Variants in SLC9A2 observed in about 807,000 individuals in gnomAD.
SLC9A2 encodes the protein solute carrier family 9 member A2.
In SLC9A2, 42 loss-of-function variants were observed where a neutral mutation model predicts 71.7. That is an observed-to-expected ratio of 0.59 (90% CI 0.46 to 0.76). The LOEUF (loss-of-function observed/expected upper bound fraction) is 0.76, where lower values mean the gene tolerates loss of function less well. Among genes scored for constraint, SLC9A2 ranks in the 30% least tolerant of loss-of-function variants. The pLI is 0.00. For missense variants in SLC9A2, 829 were observed against 1,017.4 expected, an observed-to-expected ratio of 0.81 and a Z score of 2.52; for synonymous variants, 396 against 392.5, an observed-to-expected ratio of 1.01 and a Z score of -0.10.
intron 4 of SLC9A2, 58 bp from the exon 5 acceptor site, chr2:102,684,076 T>C (rs1677504507): frequency 2.4e-6 from 3 of 1,225,546 alleles, no homozygotes; most frequent in Admixed American, 1.7e-5. Flanking sequence ...TGAGTCTATG[T>C]ATTTTCATAT....
chr2:102,655,171 C>T (rs1676913037), intron 1 of SLC9A2, among the ~76,000 whole-genome samples: 1 of 151,136 alleles, frequency 6.6e-6, no homozygotes, highest in South Asian at 2.1e-4. Flanking sequence ...TTGTACAGTA[C>T]AGCAACACAA....
chr2:102,683,575 T>G, intron 4 of SLC9A2, 97 bp downstream of exon 4: 5 of 884,698 alleles, frequency 5.7e-6, no homozygotes, highest in Non-Finnish European at 7.0e-6. Context: ...GTGGATTCTT[T>G]TATGTCTGCT....
In SLC9A2 at chr2:102,684,139, T is replaced by C. The variant is rs1304074947; in HGVS notation, c.1228T>C (p.Phe410Leu). 1 of 1,613,758 alleles carries C rather than the reference T, an allele frequency of 6.2e-7. No individual in the cohort carries two copies. Among genetic ancestry groups the C allele is most frequent in the African/African-American group, 1.3e-5 (1 of 74,888 alleles). ...TGGGTTTTCTTTCTTTGCAGGTGTT[T>C]TTGTCCTGACTCAGGTCATTAATAG... ...FCLMWRALGV[F>L]VLTQVINRFR... Residue 410 changes from phenylalanine (F) to leucine (L), a missense_variant, in exon 5 of 12, where the codon TTT becomes CTT. By Grantham distance (22) the Phe-to-Leu change is conservative. Coordinates refer to ENST00000233969, the MANE Select transcript of SLC9A2 (RefSeq NM_003048.6).
intron 1 of SLC9A2, among the ~76,000 whole-genome samples, chr2:102,628,373 A>C (rs1676290369): frequency 6.6e-6 from 1 of 152,120 alleles, no homozygotes; most frequent in African/African-American, 2.4e-5. Flanking sequence ...GATGGATCTC[A>C]TCTCAGGATG....
At position 102,667,902 on chromosome 2, in the gene SLC9A2, T is replaced by A. The variant is rs1677172526; in HGVS notation, c.1004+2552T>A. On this transcript the variant is annotated intron_variant, in intron 3 of 11. Transcript: ENST00000233969. The stretch of plus-strand genomic sequence containing the variant: ...CTGGCCAGCATGGTGAAACCCCGTC[T>A]CTACTAAAAAAAAAATACAAAAATT... Among the ~76,000 whole-genome samples the A allele has an allele frequency of 2.0e-5, 3 of 151,744 alleles. No individual in the cohort carries two copies. The South Asian group carries it at 6.3e-4, about 32-fold the overall frequency.
rs754581184 is a variant in SLC9A2, at chr2:102,701,246, G to A, written c.1748+15G>A. 2 of 1,562,936 alleles carry A rather than the reference G, an allele frequency of 1.3e-6. No homozygotes were observed. Among genetic ancestry groups the A allele is most frequent in the Non-Finnish European group, 8.6e-7 (1 of 1,156,356 alleles). On this transcript the variant is annotated intron_variant, in intron 8 of 11. Transcript: ENST00000233969. ...GCATCTCTAAAGTAAGTATGGTCTT[G>A]CAAATAAAAGTTAGTATTGTTAAAT...
In SLC9A2 at chr2:102,665,146, A is replaced by T; in HGVS notation, c.800A>T (p.Glu267Val). The change falls in exon 3 of 12, where the codon GAG becomes GTG. Residue 267 changes from glutamate to valine, a missense_variant. This residue lies in a region of SLC9A2 where 500 missense variants were observed against 726.3 expected (regional missense o/e 0.69). Transcript: ENST00000233969. ...FKSFCQMKTI[E>V]TIDVFAGIAN... ...TCGTTTTGCCAGATGAAAACCATTG[A>T]GACCATTGATGTGTTTGCAGGAATC... The T allele has an allele frequency of 6.2e-7, 1 of 1,613,934 alleles. No homozygotes were observed. The highest frequency in any genetic ancestry group is 8.5e-7 in the Non-Finnish European group (1 of 1,179,996).
intron 1 of SLC9A2, among the ~76,000 whole-genome samples, chr2:102,626,191 C>T (rs1676242055): frequency 6.6e-6 from 1 of 152,278 alleles, no homozygotes; most frequent in East Asian, 1.9e-4. Context: ...GCTACAGTAA[C>T]CAAAACAGCA....
chr2:102,631,011 T>A (rs1463588596), intron 1 of SLC9A2, among the ~76,000 whole-genome samples: 1 of 152,090 alleles, frequency 6.6e-6, no homozygotes, highest in Non-Finnish European at 1.5e-5. Context: ...AGGTGATGTT[T>A]ATTTGGTAAA....
At chr2:102,629,121 T>G (rs1182374100) in intron 1 of SLC9A2, among the ~76,000 whole-genome samples, 1 of 152,148 alleles carries the variant, frequency 6.6e-6, no homozygotes, top group Non-Finnish European at 1.5e-5. Flanking sequence ...TTTTGGTTAC[T>G]TTATCAGTTC....
chr2:102,705,079 G>A (rs1013979946), intron 10 of SLC9A2, among the ~76,000 whole-genome samples: 5 of 151,778 alleles, frequency 3.3e-5, no homozygotes, highest in African/African-American at 1.2e-4. Context: ...GGTGGCGTGC[G>A]CTTGTAATCC....
chr2:102,625,879 A>G (rs1257191443), intron 1 of SLC9A2, among the ~76,000 whole-genome samples: 2 of 152,152 alleles, frequency 1.3e-5, no homozygotes, highest in Non-Finnish European at 2.9e-5. Flanking sequence ...AGTTCTAGAT[A>G]CCTGAGGAAT....
intron 3 of SLC9A2, among the ~76,000 whole-genome samples, chr2:102,679,384 AATT>A (rs1677405995): frequency 2.7e-4 from 36 of 134,154 alleles, no homozygotes; most frequent in East Asian, 8.8e-4. Flanking sequence ...ATATATATAT[AATT>A]TTTTTTTTTT....
chr2:102,648,333 G>A (rs4608543), intron 1 of SLC9A2, among the ~76,000 whole-genome samples: 3 of 152,054 alleles, frequency 2.0e-5, no homozygotes, highest in Admixed American at 1.3e-4. Flanking sequence ...GGTATTGATG[G>A]AACATATTTC....
chr2:102,686,955 T>C (rs1677557496), intron 5 of SLC9A2, among the ~76,000 whole-genome samples: 1 of 152,182 alleles, frequency 6.6e-6, no homozygotes, highest in African/African-American at 2.4e-5. Context: ...TTGAGATGTA[T>C]TAGCCGAATT....
intron 1 of SLC9A2, among the ~76,000 whole-genome samples, chr2:102,653,444 G>A (rs533248200): frequency 2.0e-5 from 3 of 152,222 alleles, no homozygotes; most frequent in South Asian, 2.1e-4. Flanking sequence ...TGTTCTGGTC[G>A]GTCTTCATTC....
intron 7 of SLC9A2, among the ~76,000 whole-genome samples, chr2:102,695,790 T>A (rs13404494): frequency 6.0e-4 from 18 of 30,084 alleles, no homozygotes; most frequent in Middle Eastern, 0.012. Context: ...ATATATATAT[T>A]ATATATATAT....
rs1386577870 is a variant in SLC9A2, at chr2:102,708,602, T to A, written c.*113T>A. On this transcript the variant is annotated 3_prime_UTR_variant, in exon 12 of 12. Transcript: ENST00000233969. Reference sequence around the variant, plus strand: ...TAAAACTCTCTGTGCATCTAAATACTTCTGGAGGGCGACAGATTCATGCCA... The same window carrying A: ...TAAAACTCTCTGTGCATCTAAATACATCTGGAGGGCGACAGATTCATGCCA... 1 of 1,259,858 alleles carries A rather than the reference T, an allele frequency of 7.9e-7. No individual in the cohort carries two copies. The highest frequency in any genetic ancestry group is 2.4e-5 in the East Asian group (1 of 42,288). The allele number at this position is 1,259,858 out of a possible 1,614,324, so 78.0% of individuals were successfully genotyped here. A position where few individuals can be genotyped will look rare whatever the true frequency, so the allele number is the denominator to read the frequency against.
intron 7 of SLC9A2, among the ~76,000 whole-genome samples, chr2:102,700,547 C>T (rs977053923): frequency 3.9e-5 from 6 of 152,098 alleles, no homozygotes; most frequent in African/African-American, 1.4e-4. Flanking sequence ...TTGCCCACTG[C>T]AGTTATATCA....
Sources: gnomAD v4.1 joint callset for allele counts (sites outside exome capture counted in the v4.1 genomes callset) on GRCh38, gnomAD v4.1.1 for gene constraint, gnomAD v4.1.1 regional missense constraint, MANE v1.5 for transcripts, NCBI Gene and HGNC (gene_info 2026-07-23, HGNC 2026-07-21) for gene names.